The following EML1 variants were observed in gnomAD, a reference collection of about 807,000 sequenced individuals.
EML1 encodes the protein echinoderm microtubule-associated protein-like 1.
A neutral mutation model predicts 110.4 loss-of-function variants in EML1; 27 were observed. That is an observed-to-expected ratio of 0.24 (90% CI 0.18 to 0.34). The LOEUF is 0.34. EML1 is among the 10% of genes least tolerant of loss of function. EML1 has a pLI of 1.00. For missense variants in EML1, 741 were observed against 1,030.9 expected (o/e 0.72, Z 3.85); for synonymous variants, 344 against 385.8 (o/e 0.89, Z 1.27).
chr14:99,894,768 A>G lies in EML1; in HGVS notation c.677+10A>G, dbSNP rs748061411. 1.0e-5 allele frequency: 16 copies of G among 1,604,038 alleles called. No homozygotes were observed. In the East Asian group the frequency reaches 3.4e-4, roughly 34 times the overall value. On this transcript the variant is annotated intron_variant, in intron 6 of 21. Transcript: ENST00000262233. ...TCAAGCTGGAATGGGTGTATCCTTT[A>G]TTCATTGATTAGGTCTCACATGAAG...
chr14:99,931,479 C>T (rs2060366551), intron 17 of EML1, among the ~76,000 whole-genome samples: 1 of 152,204 alleles, frequency 6.6e-6, no homozygotes. Flanking sequence ...TAGAAAACAG[C>T]CGTAAGGTTG....
intron 1 of EML1, among the ~76,000 whole-genome samples, chr14:99,750,559 C>T (rs1034375551): frequency 1.3e-4 from 20 of 152,194 alleles, no homozygotes; most frequent in African/African-American, 4.8e-4. Flanking sequence ...CAAAACAAAG[C>T]TGATGACACC....
At chr14:99,864,475 T>G (rs1316351487) in intron 2 of EML1, among the ~76,000 whole-genome samples, 1 of 152,190 alleles carries the variant, frequency 6.6e-6, no homozygotes, top group Non-Finnish European at 1.5e-5. Flanking sequence ...GCTGTTTTAA[T>G]TTTTGTGTAG....
chr14:99,740,476 T>C lies in EML1; in HGVS notation c.28+2616T>C, dbSNP rs188357771. Among the ~76,000 whole-genome samples, 8 of 152,288 alleles carry C rather than the reference T, an allele frequency of 5.3e-5. No homozygotes were observed. In the East Asian group the frequency reaches 7.7e-4, roughly 15 times the overall value. On this transcript the variant is annotated intron_variant, in intron 1 of 10. Coordinates refer to the EML1 transcript ENST00000554479. ...AGCTTGCAACCTGTAGAGAAAAACA[T>C]AGTGCCTTGTTAGGGTGTCAGGAAA...
chr14:99,927,808 G>T (rs55938529), intron 17 of EML1, among the ~76,000 whole-genome samples: 1 of 35,408 alleles, frequency 2.8e-5, no homozygotes, highest in Non-Finnish European at 7.2e-5. Flanking sequence ...GGTGGGGGGG[G>T]TGGGGGGGTG....
intron 1 of EML1, among the ~76,000 whole-genome samples, chr14:99,811,410 A>C (rs1169273813): frequency 6.8e-6 from 1 of 148,066 alleles, no homozygotes; most frequent in Non-Finnish European, 1.5e-5. Flanking sequence ...CCGGAACCTT[A>C]CCAATAATAC....
intron 1 of EML1, among the ~76,000 whole-genome samples, chr14:99,747,842 G>A (rs1198027903): frequency 1.3e-5 from 2 of 152,166 alleles, no homozygotes; most frequent in African/African-American, 2.4e-5. Flanking sequence ...AGCAATGCAC[G>A]GGAAGGGGCC....
chr14:99,741,795 T>TTG (rs1566844542), intron 1 of EML1, among the ~76,000 whole-genome samples: 1 of 151,944 alleles, frequency 6.6e-6, no homozygotes. Context: ...CTCTCTGAGG[T>TTG]GGGGGGGCCT....
chr14:99,816,472 T>C (rs2058169899), intron 1 of EML1, among the ~76,000 whole-genome samples: 1 of 152,226 alleles, frequency 6.6e-6, no homozygotes, highest in Non-Finnish European at 1.5e-5. Context: ...CCATGTTTGA[T>C]TTGATTCCCA....
upstream of EML1, among the ~76,000 whole-genome samples, chr14:99,788,856 C>T (rs2057628820): frequency 6.6e-6 from 1 of 152,198 alleles, no homozygotes; most frequent in Non-Finnish European, 1.5e-5. Flanking sequence ...CACCATTCCA[C>T]TCTCTGTCTC....
intron 4 of EML1, among the ~76,000 whole-genome samples, chr14:99,881,670 G>A (rs1028845975): frequency 3.3e-5 from 5 of 150,078 alleles, no homozygotes; most frequent in Admixed American, 6.6e-5. Flanking sequence ...GCACAATCTC[G>A]GGTCACTGCA....
intron 17 of EML1, among the ~76,000 whole-genome samples, chr14:99,924,287 C>G (rs1212731255): frequency 6.6e-6 from 1 of 152,124 alleles, no homozygotes; most frequent in Non-Finnish European, 1.5e-5. Context: ...GATCTTATAT[C>G]CTATGACCTT....
chr14:99,815,604 G>A lies in EML1; in HGVS notation c.67+22061G>A, dbSNP rs149123218. On this transcript the variant is annotated intron_variant, in intron 1 of 21. Transcript: ENST00000262233. ...GACTTTGTTAAAATGAAGATGAATA[G>A]CTTTTTATTTTAGAGAGCCAAATTG... Among the ~76,000 whole-genome samples the A allele has an allele frequency of 2.8e-4, 42 of 152,264 alleles. No individual in the cohort carries two copies. The East Asian group carries it at 4.4e-3, about 16-fold the overall frequency.
At chr14:99,908,764 C>G (rs1486289611) in intron 10 of EML1, among the ~76,000 whole-genome samples, 2 of 152,282 alleles carry the variant, frequency 1.3e-5, no homozygotes, top group Non-Finnish European at 2.9e-5. Context: ...GTTCACTGAG[C>G]CACAGGCAGA....
At chr14:99,894,873 G>A in intron 6 of EML1, 115 bp downstream of exon 6, 1 of 1,306,902 alleles carries the variant, frequency 7.7e-7, no homozygotes, top group South Asian at 1.9e-5. Flanking sequence ...AAAACAAAAT[G>A]TTTTACTGTT....
chr14:99,845,823 G>C (rs1220064421), intron 1 of EML1, among the ~76,000 whole-genome samples: 1 of 152,054 alleles, frequency 6.6e-6, no homozygotes, highest in Non-Finnish European at 1.5e-5. Flanking sequence ...AGCCGAGGTG[G>C]TTGGATCACC....
intron 6 of EML1, among the ~76,000 whole-genome samples, chr14:99,896,246 A>C (rs943272825): frequency 6.6e-6 from 1 of 152,206 alleles, no homozygotes; most frequent in Non-Finnish European, 1.5e-5. Context: ...TGTTGGTTTA[A>C]ATTTAAGCTA....
rs150410178 is a variant in EML1, at chr14:99,939,182, T to C, written c.2192-15T>C. 42,028 of 1,613,628 alleles carry C rather than the reference T, an allele frequency of 0.026. 647 individuals are homozygous for C. Among genetic ancestry groups the C allele is most frequent in the Non-Finnish European group, 0.031 (36,045 of 1,179,644 alleles). On this transcript the variant is annotated splice_polypyrimidine_tract_variant and intron_variant, in intron 20 of 21. Transcript: ENST00000262233. The surrounding 1 kb of genome is among the most constrained non-coding windows in gnomAD (Gnocchi z 4.2). ...CCTGGTGTTTCCAGCGCCCTGTTTG[T>C]GGTCTTTGTTTTAGGAGTGTGGCCA...
chr14:99,919,555 G>C (rs540399394), intron 16 of EML1, among the ~76,000 whole-genome samples: 7 of 152,032 alleles, frequency 4.6e-5, no homozygotes, highest in African/African-American at 1.7e-4. Context: ...ATAGGCTGAC[G>C]GATGCCAGCA....
Sources: gnomAD v4.1 joint callset for allele counts (sites outside exome capture counted in the v4.1 genomes callset) on GRCh38, gnomAD v4.1.1 for gene constraint, Gnocchi (gnomAD v3.1) non-coding constraint, MANE v1.5 for transcripts, NCBI Gene and HGNC (gene_info 2026-07-23, HGNC 2026-07-21) for gene names.